The following CCSER2 variants were observed in gnomAD, a reference collection of about 807,000 sequenced individuals.
CCSER2 encodes serine-rich coiled-coil domain-containing protein 2.
In CCSER2, 46 loss-of-function variants were observed where a neutral mutation model predicts 92.3. The observed-to-expected ratio is 0.50, with a 90% CI of 0.39 to 0.64. The LOEUF (loss-of-function observed/expected upper bound fraction) is 0.64. CCSER2 is among the 30% of genes least tolerant of loss of function. The pLI is 0.00. For synonymous variants in CCSER2, 433 were observed against 431.4 expected, an observed-to-expected ratio of 1.00 and a Z score of -0.04; for missense variants, 1,244 against 1,238.9, an observed-to-expected ratio of 1.00 and a Z score of -0.06.
intron 9 of CCSER2, among the ~76,000 whole-genome samples, chr10:84,509,922 G>C (rs1417957837): frequency 6.6e-6 from 1 of 152,082 alleles, no homozygotes; most frequent in African/African-American, 2.4e-5. Flanking sequence ...GTCCTCTCCA[G>C]ATTTTATGCC....
chr10:84,376,876 A>G (rs1274333962), intron 3 of CCSER2, among the ~76,000 whole-genome samples: 1 of 151,802 alleles, frequency 6.6e-6, no homozygotes, highest in South Asian at 2.1e-4. Flanking sequence ...CATTTTTGCT[A>G]TTTTGTGGGT....
intron 3 of CCSER2, chr10:84,390,906 C>A: frequency 2.7e-6 from 2 of 728,502 alleles, no homozygotes; most frequent in Non-Finnish European, 2.6e-6. Flanking sequence ...GGTTTTGCTG[C>A]CTAGAAGAGG....
chr10:84,469,669 A>C (rs1846660805), intron 7 of CCSER2, among the ~76,000 whole-genome samples: 1 of 152,122 alleles, frequency 6.6e-6, no homozygotes, highest in Non-Finnish European at 1.5e-5. Flanking sequence ...AACATGGGCT[A>C]ACTATAGGGT....
At chr10:84,457,199 T>G (rs1845676552) in intron 6 of CCSER2, among the ~76,000 whole-genome samples, 1 of 118,818 alleles carries the variant, frequency 8.4e-6, no homozygotes, top group Non-Finnish European at 1.7e-5. Flanking sequence ...AGTCCATGTC[T>G]TCTTTTATAT....
chr10:84,349,732 C>G (rs1439533289), intron 1 of CCSER2, among the ~76,000 whole-genome samples: 2 of 152,216 alleles, frequency 1.3e-5, no homozygotes, highest in African/African-American at 4.8e-5. Context: ...TCTACTTCAA[C>G]CAGCCTAGTC....
intron 3 of CCSER2, chr10:84,391,887 T>G (rs1841538676): frequency 2.2e-6 from 3 of 1,355,776 alleles, no homozygotes; most frequent in Non-Finnish European, 3.2e-6. Context: ...TTTGTGATGC[T>G]GTTGCATCAT....
intron 3 of CCSER2, among the ~76,000 whole-genome samples, chr10:84,374,615 G>A (rs962776159): frequency 2.0e-5 from 3 of 152,218 alleles, no homozygotes; most frequent in Non-Finnish European, 4.4e-5. Context: ...TGTAATCTTT[G>A]TGTGTGCCTG....
At chr10:84,467,772 G>C (rs1018328570) in intron 7 of CCSER2, among the ~76,000 whole-genome samples, 2 of 152,098 alleles carry the variant, frequency 1.3e-5, no homozygotes, top group African/African-American at 4.8e-5. Flanking sequence ...TGTCACTCAA[G>C]CTAGAAATAC....
chr10:84,390,913 G>T lies in CCSER2; in HGVS notation c.1614+17098G>T, dbSNP rs1031583038. On this transcript the variant is annotated intron_variant, in intron 3 of 9. Coordinates refer to ENST00000372088, the MANE Select transcript of CCSER2 (RefSeq NM_001284240.2). Reference sequence around the variant, plus strand: ...ATGTATCTGGTTTTGCTGCCTAGAAGAGGAGGCTTGTACAGCACCTGTTAC... The same window carrying T: ...ATGTATCTGGTTTTGCTGCCTAGAATAGGAGGCTTGTACAGCACCTGTTAC... The T allele has an allele frequency of 4.1e-6, 3 of 738,318 alleles. No homozygotes were observed. The African/African-American group carries it at 5.2e-5, about 13-fold the overall frequency. The allele number at this position is 738,318 out of a possible 1,614,324, so 45.7% of individuals were successfully genotyped here.
Position 84,438,564 on chromosome 10 carries a change from A to T in CCSER2, c.1921A>T (p.Met641Leu). Residue 641 changes from methionine (M) to leucine (L), a missense_variant, in exon 6 of 10, where the codon ATG (methionine) becomes TTG (leucine). By Grantham distance (15) the Met-to-Leu change is conservative (BLOSUM62 2). Coordinates refer to ENST00000372088, the MANE Select transcript of CCSER2 (RefSeq NM_001284240.2). ...GGGTCATTTTGAAAGCTATGGAGGG[A>T]TGCCCTTTTTCCAGGCTCAGAAGAT... ...PLGHFESYGG[M>L]PFFQAQKMFV... 1 of 1,613,574 alleles carries T rather than the reference A, an allele frequency of 6.2e-7. No individual in the cohort carries two copies. The highest frequency in any genetic ancestry group is 1.3e-5 in the African/African-American group (1 of 74,990).
chr10:84,494,008 A>G (rs1228425301), intron 9 of CCSER2, among the ~76,000 whole-genome samples: 1 of 152,178 alleles, frequency 6.6e-6, no homozygotes, highest in African/African-American at 2.4e-5. Context: ...TTCACAATAA[A>G]GTTCCTGCTT....
At chr10:84,391,294 T>G (rs1841504144) in intron 3 of CCSER2, 1 of 1,466,292 alleles carries the variant, frequency 6.8e-7, no homozygotes, top group Non-Finnish European at 9.6e-7. Flanking sequence ...ATAAAGATTT[T>G]ATGTTAGTGT....
At chr10:84,486,958 A>C (rs565487455) in intron 9 of CCSER2, among the ~76,000 whole-genome samples, 9 of 152,332 alleles carry the variant, frequency 5.9e-5, no homozygotes, top group South Asian at 2.1e-4. Context: ...AGCTTTCTAC[A>C]TATGGCTAGC....
At chr10:84,478,576 A>G (rs1847287936) in intron 9 of CCSER2, among the ~76,000 whole-genome samples, 2 of 152,166 alleles carry the variant, frequency 1.3e-5, no homozygotes, top group African/African-American at 4.8e-5. Context: ...TGTGCTCTGT[A>G]TAAGATACAA....
chr10:84,335,420 T>C (rs190709825), intron 1 of CCSER2, among the ~76,000 whole-genome samples: 6 of 151,682 alleles, frequency 4.0e-5, no homozygotes, highest in Non-Finnish European at 7.4e-5. Flanking sequence ...TTTTAAAAAT[T>C]TTCCATAGAG....
intron 1 of CCSER2, among the ~76,000 whole-genome samples, chr10:84,332,427 TATATATA>T (rs1843615481): frequency 1.2e-5 from 1 of 85,036 alleles, no homozygotes; most frequent in African/African-American, 6.0e-5. Flanking sequence ...TATATATATA[TATATATA>T]TATTTTTTTT....
intron 9 of CCSER2, among the ~76,000 whole-genome samples, chr10:84,505,864 G>A (rs1359487711): frequency 3.0e-5 from 3 of 98,858 alleles, no homozygotes; most frequent in Non-Finnish European, 7.9e-5. Flanking sequence ...TTTGCAGCTT[G>A]TGGGATTTTT....
intron 1 of CCSER2, among the ~76,000 whole-genome samples, chr10:84,355,053 A>G (rs1402920970): frequency 6.6e-6 from 1 of 151,994 alleles, no homozygotes; most frequent in South Asian, 2.1e-4. Flanking sequence ...TTTTGCTACA[A>G]TCTTTGTTGT....
intron 3 of CCSER2, among the ~76,000 whole-genome samples, chr10:84,405,411 G>C (rs1842329048): frequency 6.6e-6 from 1 of 151,196 alleles, no homozygotes; most frequent in South Asian, 2.1e-4. Flanking sequence ...TAGGTGAAAA[G>C]TTATTAGAAA....
Sources: gnomAD v4.1 joint callset for allele counts (sites outside exome capture counted in the v4.1 genomes callset) on GRCh38, gnomAD v4.1.1 for gene constraint, MANE v1.5 for transcripts, NCBI Gene and HGNC (gene_info 2026-07-23, HGNC 2026-07-21) for gene names.